ZMIZ1: variants seen among roughly 807,000 people sequenced by gnomAD.
The protein encoded by ZMIZ1 is zinc finger MIZ domain-containing protein 1.
In ZMIZ1, 17 loss-of-function variants were observed where a neutral mutation model predicts 113.9. The observed-to-expected ratio is 0.15, with a 90% CI of 0.10 to 0.22. The LOEUF (loss-of-function observed/expected upper bound fraction) is 0.22, where lower values mean the gene tolerates loss of function less well. ZMIZ1 is among the 10% of genes least tolerant of loss of function. ZMIZ1 has a pLI of 1.00. For missense variants in ZMIZ1, 1,059 were observed against 1,477.8 expected (o/e 0.72, Z 4.65); for synonymous variants, 607 against 603.1 (o/e 1.01, Z -0.09).
chr10:79,303,111 C>T (rs1457371545), intron 18 of ZMIZ1, among the ~76,000 whole-genome samples: 3 of 151,882 alleles, frequency 2.0e-5, no homozygotes, highest in East Asian at 3.9e-4. Context: ...CCGCCCACCT[C>T]GGCCTCCCAA....
chr10:79,256,050 G>A (rs12412564), intron 7 of ZMIZ1, among the ~76,000 whole-genome samples: 3,974 of 152,282 alleles, frequency 0.026, 159 homozygotes, highest in Admixed American at 0.11. Flanking sequence ...GAGCCCCCCA[G>A]GGCCCCTTCC....
chr10:79,116,462 G>A (rs948367729), intron 1 of ZMIZ1, among the ~76,000 whole-genome samples: 5 of 152,264 alleles, frequency 3.3e-5, no homozygotes, highest in African/African-American at 1.2e-4. Flanking sequence ...GTCAGGGAGG[G>A]CCTCCAGGAG....
intron 2 of ZMIZ1, among the ~76,000 whole-genome samples, chr10:79,132,198 G>T (rs552062949): frequency 7.3e-4 from 111 of 152,320 alleles, no homozygotes; most frequent in Non-Finnish European, 1.3e-3. Flanking sequence ...AGGTAATATT[G>T]TTCCCCTTTA....
chr10:79,110,833 G>A (rs908903115), intron 1 of ZMIZ1, among the ~76,000 whole-genome samples: 3 of 152,228 alleles, frequency 2.0e-5, no homozygotes, highest in African/African-American at 7.2e-5. Context: ...CCTCTAAGCT[G>A]CCTGGAGGAA....
At chr10:79,264,974 G>T (rs1056877835) in intron 7 of ZMIZ1, among the ~76,000 whole-genome samples, 2 of 152,164 alleles carry the variant, frequency 1.3e-5, no homozygotes, top group Non-Finnish European at 2.9e-5. Context: ...TTAGTCTGGC[G>T]TCTTATCCTG....
intron 1 of ZMIZ1, among the ~76,000 whole-genome samples, chr10:79,109,640 T>TC (rs1365592316): frequency 2.0e-5 from 3 of 152,180 alleles, no homozygotes; most frequent in Non-Finnish European, 2.9e-5. Context: ...GCCTATGCAC[T>TC]CGCCCATATT....
At chr10:79,166,366 C>A (rs2132513512) in intron 4 of ZMIZ1, among the ~76,000 whole-genome samples, 1 of 152,372 alleles carries the variant, frequency 6.6e-6, no homozygotes, top group East Asian at 1.9e-4. Context: ...CCACTCCCTC[C>A]CACCCTGCTC....
At chr10:79,088,380 A>C (rs1240153459) in intron 1 of ZMIZ1, among the ~76,000 whole-genome samples, 1 of 152,184 alleles carries the variant, frequency 6.6e-6, no homozygotes, top group East Asian at 1.9e-4. Context: ...CTGCCTGTGC[A>C]CCAGGCGAGT....
At chr10:79,240,063 G>A (rs979872063) in intron 7 of ZMIZ1, among the ~76,000 whole-genome samples, 5 of 152,196 alleles carry the variant, frequency 3.3e-5, no homozygotes, top group Admixed American at 6.5e-5. Context: ...CAGGGCCCAC[G>A]GCAGGAGGAG....
intron 1 of ZMIZ1, among the ~76,000 whole-genome samples, chr10:79,114,752 T>C (rs1843948049): frequency 6.6e-6 from 1 of 152,162 alleles, no homozygotes; most frequent in Non-Finnish European, 1.5e-5. Context: ...CACCACGGGC[T>C]GAGAATCTCC....
intron 8 of ZMIZ1, among the ~76,000 whole-genome samples, chr10:79,283,189 G>A (rs1274017930): frequency 1.3e-5 from 2 of 152,198 alleles, no homozygotes; most frequent in African/African-American, 4.8e-5. Context: ...TATAGGTGCG[G>A]GATTTATGAA....
chr10:79,102,872 C>T (rs960811810), intron 1 of ZMIZ1, among the ~76,000 whole-genome samples: 5 of 152,188 alleles, frequency 3.3e-5, no homozygotes, highest in Non-Finnish European at 5.9e-5. Context: ...ATTCAACCAA[C>T]ACTTATTAAA....
intron 3 of ZMIZ1, among the ~76,000 whole-genome samples, chr10:79,154,731 G>C (rs979311215): frequency 6.6e-6 from 1 of 152,184 alleles, no homozygotes; most frequent in African/African-American, 2.4e-5. Context: ...TGAGGACCCT[G>C]TCCTGGGAGC....
chr10:79,077,369 G>C (rs1384339602), intron 1 of ZMIZ1, among the ~76,000 whole-genome samples: 1 of 151,786 alleles, frequency 6.6e-6, no homozygotes, highest in African/African-American at 2.4e-5. Context: ...GACCTTATAG[G>C]GTCTCTGTCC....
chr10:79,253,893 T>C (rs1164401407), intron 7 of ZMIZ1, among the ~76,000 whole-genome samples: 1 of 152,024 alleles, frequency 6.6e-6, no homozygotes, highest in Non-Finnish European at 1.5e-5. Flanking sequence ...CACACACACA[T>C]GCTGACACGC....
rs138931877 is a variant in ZMIZ1 at position 79,117,919 on chromosome 10, C to T, written c.-336-996C>T. 5.6e-3 allele frequency among the ~76,000 whole-genome samples: 857 copies of T among 152,320 alleles called. 10 individuals are homozygous for T. The highest frequency in any genetic ancestry group is 0.019 in the African/African-American group (790 of 41,580). ...CATGAGCTTTCCTGCTACACTTTTT[C>T]CACCCCAGAGGCCTCCTATTGCCTT... On this transcript the variant is annotated intron_variant, in intron 1 of 24. Transcript: ENST00000334512.
At chr10:79,110,111 C>T (rs1470293044) in intron 1 of ZMIZ1, among the ~76,000 whole-genome samples, 1 of 152,240 alleles carries the variant, frequency 6.6e-6, no homozygotes, top group African/African-American at 2.4e-5. Flanking sequence ...CCCATGCTGC[C>T]ACCCTCTGGC....
chr10:79,236,774 A>C (rs1308749701), intron 7 of ZMIZ1, among the ~76,000 whole-genome samples: 1 of 152,190 alleles, frequency 6.6e-6, no homozygotes, highest in Non-Finnish European at 1.5e-5. Context: ...TGGTTCACTC[A>C]TTCATTCAGG....
intron 16 of ZMIZ1, 98 bp from the exon 17 acceptor site, chr10:79,300,634 T>C: frequency 4.3e-6 from 6 of 1,396,626 alleles, no homozygotes; most frequent in Admixed American, 4.1e-5. Flanking sequence ...TCTCGGAGGT[T>C]GTGGTGTGTT....
Sources: gnomAD v4.1 joint callset for allele counts (sites outside exome capture counted in the v4.1 genomes callset) on GRCh38, gnomAD v4.1.1 for gene constraint, MANE v1.5 for transcripts, NCBI Gene and HGNC (gene_info 2026-07-23, HGNC 2026-07-21) for gene names.